The following NDUFS1 variants were observed in gnomAD, a reference collection of about 807,000 sequenced individuals.
NDUFS1 encodes the protein NADH-ubiquinone oxidoreductase 75 kDa subunit, mitochondrial.
In NDUFS1, 61 loss-of-function variants were observed where a neutral mutation model predicts 84.4. That is an observed-to-expected ratio of 0.72 (90% CI 0.59 to 0.89). The LOEUF is 0.89. Ranked by LOEUF, NDUFS1 falls within the 40% of genes least tolerant of loss-of-function variation. NDUFS1 has a pLI of 0.00. For missense variants in NDUFS1, 891 were observed against 890.0 expected, an observed-to-expected ratio of 1.00 and a Z score of -0.01; for synonymous variants, 275 against 290.0, an observed-to-expected ratio of 0.95 and a Z score of 0.53.
At chr2:206,135,815 T>C (rs899498302) in intron 13 of NDUFS1, among the ~76,000 whole-genome samples, 1 of 152,222 alleles carries the variant, frequency 6.6e-6, no homozygotes, top group Non-Finnish European at 1.5e-5. Context: ...CTTTTAATCA[T>C]AATTTTTTTT....
intron 10 of NDUFS1, among the ~76,000 whole-genome samples, 155 bp downstream of exon 10, chr2:206,143,863 A>C (rs961470222): frequency 6.6e-6 from 1 of 152,196 alleles, no homozygotes; most frequent in African/African-American, 2.4e-5. Context: ...AATATCTAGC[A>C]TATGTCCTCA....
chr2:206,155,137 G>A (rs559621622), intron 1 of NDUFS1, among the ~76,000 whole-genome samples: 124 of 151,672 alleles, frequency 8.2e-4, no homozygotes, highest in African/African-American at 2.8e-3. Flanking sequence ...TTTATTTATT[G>A]AGACGGAGTC....
At chr2:206,158,940 C>G in intron 1 of NDUFS1, 1 of 714,376 alleles carries the variant, frequency 1.4e-6, no homozygotes, top group Non-Finnish European at 2.3e-6. Context: ...CAATCATGCA[C>G]TGTATCAGGC....
intron 13 of NDUFS1, among the ~76,000 whole-genome samples, chr2:206,133,643 T>C (rs1346046300): frequency 6.6e-6 from 1 of 151,812 alleles, no homozygotes; most frequent in East Asian, 1.9e-4. Context: ...ATCCCAAGAG[T>C]AAAGGAAACT....
chr2:206,149,154 AC>A, intron 4 of NDUFS1, 58 bp from the exon 5 acceptor site: 1 of 1,229,910 alleles, frequency 8.1e-7, no homozygotes, highest in South Asian at 1.3e-5. Context: ...ATTACAAGCA[AC>A]TCAATATATA....
At chr2:206,138,711 T>C in intron 12 of NDUFS1, 97 bp from the exon 13 acceptor site, 1 of 1,310,550 alleles carries the variant, frequency 7.6e-7, no homozygotes, top group East Asian at 2.3e-5. Context: ...TATTACAAAA[T>C]GTTAAAAGCA....
chr2:206,136,440 T>G (rs1213363477), intron 13 of NDUFS1, among the ~76,000 whole-genome samples: 2 of 147,114 alleles, frequency 1.4e-5, no homozygotes, highest in African/African-American at 2.5e-5. Context: ...TTTTTTTTGT[T>G]TTTTTTTTTT....
rs1487620262 is a variant in NDUFS1 at position 206,152,437 on chromosome 2, C to T, written c.135G>A (p.Pro45=). 18 of 1,614,030 alleles carry T rather than the reference C, an allele frequency of 1.1e-5. No homozygotes were observed. Among genetic ancestry groups the T allele is most frequent in the East Asian group, 6.7e-5 (3 of 44,868 alleles). ...TGCCTACTTGGAGGACGGTCGTTCC[C>T]GGTTCCACCATGACAGACTGACCAT... ...FVDGQSVMVE[P]GTTVLQACEK... The change falls in exon 3 of 19, where the codon CCG becomes CCA. Residue 45 remains proline, a synonymous_variant. Transcript: ENST00000233190.
At chr2:206,124,839 CA>C (rs1261129460) in intron 18 of NDUFS1, among the ~76,000 whole-genome samples, 4 of 150,768 alleles carry the variant, frequency 2.7e-5, no homozygotes, top group Non-Finnish European at 5.9e-5. Context: ...ACTCTTGTCT[CA>C]AAAAAATAAA....
In NDUFS1 at chr2:206,126,843, A is replaced by G. The variant is rs758927053; in HGVS notation, c.1886T>C (p.Ile629Thr). Residue 629 changes from isoleucine (I) to threonine (T), a missense_variant and splice_region_variant, in exon 17 of 19, where the codon ATT becomes ACT. Physicochemically the swap from Ile to Thr is moderately conservative, Grantham distance 89 (BLOSUM62 -1). Transcript: ENST00000233190. ...DWKIIRALSE[I>T]AGMTLPYDTL... ...ATCATATGGAAGAGTCATTCCAGCA[A>G]TCTACAACATGTCAGGTCCCCAAAA... is the stretch of plus-strand genomic sequence containing the variant. 4 of 1,614,110 alleles carry G rather than the reference A, an allele frequency of 2.5e-6. No homozygotes were observed. The South Asian group carries it at 3.3e-5, about 13-fold the overall frequency.
At position 206,144,006 on chromosome 2, in the gene NDUFS1, T is replaced by C; in HGVS notation, c.987+12A>G. Reference sequence around the variant, plus strand: ...ACAAACACTATTTAACACTATTTATTTCAAATTTTACCATTCCAGCTACGC... The same window carrying C: ...ACAAACACTATTTAACACTATTTATCTCAAATTTTACCATTCCAGCTACGC... On this transcript the variant is annotated intron_variant, in intron 10 of 18. Coordinates refer to ENST00000233190, the MANE Select transcript of NDUFS1 (RefSeq NM_005006.7). 1 of 1,579,444 alleles carries C rather than the reference T, an allele frequency of 6.3e-7. No homozygotes were observed.
In NDUFS1 at chr2:206,119,721, AT is replaced by A. The variant is rs1483016332; in HGVS notation, c.*4463del. 6.6e-6 allele frequency: 1 copy of A among 152,128 alleles called. No individual in the cohort carries two copies. The highest frequency in any genetic ancestry group is 2.4e-5 in the African/African-American group (1 of 41,410). 9.4% of individuals were successfully genotyped at this position (152,128 alleles called of 1,614,324 possible). A position where few individuals can be genotyped will look rare whatever the true frequency, so the allele number is the denominator to read the frequency against. ...TGAGCTACTGTGCCAGGCCAAGTAT[AT>A]TTTTAATTAATGTATTCATTATAAT... On this transcript the variant is annotated 3_prime_UTR_variant, in exon 19 of 19. Coordinates refer to ENST00000233190, the MANE Select transcript of NDUFS1 (RefSeq NM_005006.7).
In NDUFS1 at chr2:206,117,261, A is replaced by G. The variant is rs1690971392; in HGVS notation, c.*6924T>C. ...ACAGCAGAAACAAAGACAACTAGACATGCCCACTGTGTTATGTACTTACCT... is the reference window on the plus strand; with the variant it reads ...ACAGCAGAAACAAAGACAACTAGACGTGCCCACTGTGTTATGTACTTACCT... On this transcript the variant is annotated 3_prime_UTR_variant, in exon 19 of 19. Transcript: ENST00000233190. The G allele has an allele frequency of 6.6e-6, 1 of 152,252 alleles. No homozygotes were observed. The highest frequency in any genetic ancestry group is 1.5e-5 in the Non-Finnish European group (1 of 68,060). 9.4% of individuals were successfully genotyped at this position (152,252 alleles called of 1,614,324 possible).
At chr2:206,150,049 CTATCT>C (rs1181429845) in intron 3 of NDUFS1, 124 bp from the exon 4 acceptor site, 4 of 725,376 alleles carry the variant, frequency 5.5e-6, no homozygotes, top group Admixed American at 5.0e-5. Context: ...ATCTATCTAT[CTATCT>C]TAATTCATTC....
At chr2:206,141,292 C>T (rs530470250) in intron 12 of NDUFS1, among the ~76,000 whole-genome samples, 21 of 152,060 alleles carry the variant, frequency 1.4e-4, no homozygotes, top group African/African-American at 4.3e-4. Flanking sequence ...CACCTGTAAT[C>T]CCAGCACTTT....
In NDUFS1 at chr2:206,120,120, C is replaced by T. The variant is rs1691056204; in HGVS notation, c.*4065G>A. ...TGCCTTCTACCATGATTGTAAGCTT[C>T]CTGAGGCCCTCATCAGAAGCAGCTG... On this transcript the variant is annotated 3_prime_UTR_variant, in exon 19 of 19. Transcript: ENST00000233190. 6.6e-6 allele frequency: 1 copy of T among 152,332 alleles called. No individual in the cohort carries two copies. Among genetic ancestry groups the T allele is most frequent in the South Asian group, 2.0e-4 (1 of 4,898 alleles). The allele number at this position is 152,332 out of a possible 1,614,324, so 9.4% of individuals were successfully genotyped here.
intron 1 of NDUFS1, among the ~76,000 whole-genome samples, chr2:206,158,565 C>G (rs918887705): frequency 1.3e-5 from 2 of 152,164 alleles, no homozygotes; most frequent in East Asian, 1.9e-4. Context: ...ACCACTTTCC[C>G]GGATTTAAAA....
chr2:206,127,702 C>G, intron 16 of NDUFS1, 95 bp downstream of exon 16: 1 of 1,281,970 alleles, frequency 7.8e-7, no homozygotes, highest in Non-Finnish European at 1.1e-6. Context: ...GCATTTCAGA[C>G]TGGCATCTTC....
chr2:206,142,893 T>C (rs1692018073), intron 10 of NDUFS1, 62 bp from the exon 11 acceptor site: 2 of 1,592,448 alleles, frequency 1.3e-6, no homozygotes, highest in East Asian at 2.3e-5. Flanking sequence ...CACAATGAAA[T>C]GTTCAGAAAA....
Sources: gnomAD v4.1 joint callset for allele counts (sites outside exome capture counted in the v4.1 genomes callset) on GRCh38, gnomAD v4.1.1 for gene constraint, MANE v1.5 for transcripts, NCBI Gene and HGNC (gene_info 2026-07-23, HGNC 2026-07-21) for gene names.